Variants in CCDC170 observed in about 807,000 individuals in gnomAD.
The protein encoded by CCDC170 is coiled-coil domain-containing protein 170.
Under a neutral mutation model 72.6 loss-of-function variants are expected in CCDC170, and 69 were observed. The observed-to-expected ratio is 0.95, with a 90% CI of 0.78 to 1.16. CCDC170 has a LOEUF of 1.16. Among genes scored for constraint, CCDC170 ranks in the 50% most tolerant of loss-of-function variants. The pLI is 0.00. For synonymous variants in CCDC170, 300 were observed against 303.9 expected (o/e 0.99, Z 0.13); for missense variants, 852 against 832.5 (o/e 1.02, Z -0.29).
chr6:151,494,076 C>G lies in CCDC170; in HGVS notation c.-53C>G. 2.8e-6 allele frequency: 4 copies of G among 1,445,930 alleles called. No individual in the cohort carries two copies. The highest frequency in any genetic ancestry group is 3.6e-6 in the Non-Finnish European group (4 of 1,104,092). 89.6% of individuals were successfully genotyped at this position (1,445,930 alleles called of 1,614,324 possible). A position where few individuals can be genotyped will look rare whatever the true frequency, so the allele number is the denominator to read the frequency against. On this transcript the variant is annotated 5_prime_UTR_variant, in exon 1 of 11. Transcript: ENST00000239374. Reference sequence around the variant, plus strand: ...GCCACCCGCCGGCTCCCGGCGCCGCCGCTTCCTCAGGGCCGGTTCCGGGTC... The same window carrying G: ...GCCACCCGCCGGCTCCCGGCGCCGCGGCTTCCTCAGGGCCGGTTCCGGGTC...
intron 1 of CCDC170, among the ~76,000 whole-genome samples, chr6:151,503,657 C>G (rs1300794813): frequency 6.6e-6 from 1 of 151,840 alleles, no homozygotes; most frequent in African/African-American, 2.4e-5. Context: ...TTCACCATGT[C>G]GTCCAGGCTG....
intron 1 of CCDC170, among the ~76,000 whole-genome samples, chr6:151,529,963 A>G (rs1322569005): frequency 6.6e-6 from 1 of 152,192 alleles, no homozygotes; most frequent in Non-Finnish European, 1.5e-5. Flanking sequence ...TTTTATAACA[A>G]AGTCACTCTG....
intron 1 of CCDC170, among the ~76,000 whole-genome samples, chr6:151,532,480 G>C (rs1761371698): frequency 6.6e-6 from 1 of 151,934 alleles, no homozygotes; most frequent in African/African-American, 2.4e-5. Flanking sequence ...CATAGCACAT[G>C]CCTGTAATCC....
chr6:151,565,649 C>T (rs538744877), intron 5 of CCDC170, among the ~76,000 whole-genome samples: 7 of 152,276 alleles, frequency 4.6e-5, no homozygotes, highest in Admixed American at 3.9e-4. Flanking sequence ...TGATAGATGC[C>T]TCTAGTCCAT....
chr6:151,544,808 C>A lies in CCDC170; in HGVS notation c.588+92C>A. ...GTGCTGTGGTTGAGTTTGGGGGTGG[C>A]AGGAGAATGGCACAGTAGACCAAGT... On this transcript the variant is annotated intron_variant, in intron 4 of 10. Transcript: ENST00000239374. 3.0e-6 allele frequency: 4 copies of A among 1,311,908 alleles called. No homozygotes were observed. In the South Asian group the frequency reaches 5.7e-5, roughly 19 times the overall value. The allele number at this position is 1,311,908 out of a possible 1,614,324, so 81.3% of individuals were successfully genotyped here.
rs2115159146 is a variant in CCDC170, at chr6:151,620,935, T to C, written c.*2788T>C. 6.6e-6 allele frequency: 1 copy of C among 152,316 alleles called. No individual in the cohort carries two copies. The highest frequency in any genetic ancestry group is 1.5e-5 in the Non-Finnish European group (1 of 68,034). The allele number at this position is 152,316 out of a possible 1,614,324, so 9.4% of individuals were successfully genotyped here. A position where few individuals can be genotyped will look rare whatever the true frequency, so the allele number is the denominator to read the frequency against. On this transcript the variant is annotated 3_prime_UTR_variant, in exon 11 of 11. Transcript: ENST00000239374. ...TGAAATTACATTCCATTTATCCAAA[T>C]ATATGTTTATATAATATTTCCACTG...
chr6:151,574,299 T>A (rs764837127), intron 6 of CCDC170, among the ~76,000 whole-genome samples: 10 of 152,244 alleles, frequency 6.6e-5, no homozygotes, highest in Non-Finnish European at 1.3e-4. Flanking sequence ...CTAACTGTGA[T>A]GCAGGTTCTG....
chr6:151,590,984 C>A (rs1325253624), intron 7 of CCDC170, among the ~76,000 whole-genome samples: 2 of 152,194 alleles, frequency 1.3e-5, no homozygotes, highest in Non-Finnish European at 2.9e-5. Flanking sequence ...GATGTAGAGA[C>A]AAAAGCAGTT....
intron 9 of CCDC170, among the ~76,000 whole-genome samples, chr6:151,606,473 G>C (rs1280147020): frequency 6.6e-6 from 1 of 152,092 alleles, no homozygotes; most frequent in Non-Finnish European, 1.5e-5. Context: ...GTCCACTGTG[G>C]TCTAAAAAGA....
chr6:151,529,172 A>G (rs1178755723), intron 1 of CCDC170, among the ~76,000 whole-genome samples: 1 of 152,216 alleles, frequency 6.6e-6, no homozygotes, highest in East Asian at 1.9e-4. Context: ...AAAAACAGTA[A>G]CAAACAATGA....
chr6:151,547,159 C>A (rs576277705), intron 4 of CCDC170, among the ~76,000 whole-genome samples: 1 of 152,174 alleles, frequency 6.6e-6, no homozygotes, highest in Non-Finnish European at 1.5e-5. Flanking sequence ...TCGCAAGGAA[C>A]CATGCATTCC....
chr6:151,498,754 T>G (rs1299920837), intron 1 of CCDC170, among the ~76,000 whole-genome samples: 1 of 152,174 alleles, frequency 6.6e-6, no homozygotes. Flanking sequence ...TGTATTTCAG[T>G]ATTCTAGGCA....
chr6:151,505,923 C>T lies in CCDC170; in HGVS notation c.57+11738C>T, dbSNP rs556641687. 2.2e-4 allele frequency among the ~76,000 whole-genome samples: 34 copies of T among 151,964 alleles called. No homozygotes were observed. In the South Asian group the frequency reaches 6.9e-3, roughly 31 times the overall value. On this transcript the variant is annotated intron_variant, in intron 1 of 10. Transcript: ENST00000239374. Reference sequence around the variant, plus strand: ...ACCAGCCTGAGCAACATAGTGAGACCCCATCTCTACAAAAAAATTAAACAA... The same window carrying T: ...ACCAGCCTGAGCAACATAGTGAGACTCCATCTCTACAAAAAAATTAAACAA...
chr6:151,587,932 G>A (rs1776478421), intron 7 of CCDC170, among the ~76,000 whole-genome samples: 1 of 152,108 alleles, frequency 6.6e-6, no homozygotes, highest in Non-Finnish European at 1.5e-5. Flanking sequence ...CAGAAGAGGT[G>A]GGAAGGAATT....
intron 9 of CCDC170, 170 bp downstream of exon 9, chr6:151,596,747 T>C (rs1041041117): frequency 3.4e-6 from 3 of 880,774 alleles, no homozygotes; most frequent in Admixed American, 6.0e-5. Context: ...AGGGTACATA[T>C]CCATTCAGTG....
rs530973862 is a variant in CCDC170, at chr6:151,526,287, A to T, written c.58-10031A>T. ...GTCCAGGCTGGAGTGCAGTGGCATGATCTTGGCTCACTGCACCTCCACCTC... is the reference window on the plus strand; with the variant it reads ...GTCCAGGCTGGAGTGCAGTGGCATGTTCTTGGCTCACTGCACCTCCACCTC... On this transcript the variant is annotated intron_variant, in intron 1 of 10. Coordinates refer to ENST00000239374, the MANE Select transcript of CCDC170 (RefSeq NM_025059.4). Among the ~76,000 whole-genome samples, 28 of 151,230 alleles carry T rather than the reference A, an allele frequency of 1.9e-4. No homozygotes were observed. The East Asian group carries it at 5.1e-3, about 27-fold the overall frequency.
intron 5 of CCDC170, among the ~76,000 whole-genome samples, chr6:151,558,809 T>G (rs977402481): frequency 2.0e-5 from 3 of 152,152 alleles, no homozygotes; most frequent in Non-Finnish European, 2.9e-5. Flanking sequence ...TTGAAGTATA[T>G]TTTGAAGTCA....
intron 1 of CCDC170, among the ~76,000 whole-genome samples, chr6:151,522,042 C>T (rs1032280692): frequency 5.3e-5 from 8 of 151,544 alleles, no homozygotes; most frequent in Admixed American, 2.0e-4. Context: ...TGCCTGTCAT[C>T]CCAGCTACTC....
At chr6:151,573,609 TA>T in intron 6 of CCDC170, 118 bp downstream of exon 6, 1 of 999,678 alleles carries the variant, frequency 1.0e-6, no homozygotes, top group Non-Finnish European at 1.5e-6. Context: ...CGAGACTGGG[TA>T]ATTTATAAAG....
Sources: gnomAD v4.1 joint callset for allele counts (sites outside exome capture counted in the v4.1 genomes callset) on GRCh38, gnomAD v4.1.1 for gene constraint, MANE v1.5 for transcripts, NCBI Gene and HGNC (gene_info 2026-07-23, HGNC 2026-07-21) for gene names.